The following LARGE1 variants were observed in gnomAD, a reference collection of about 807,000 sequenced individuals.
LARGE1 encodes xylosyl- and glucuronyltransferase LARGE1.
A neutral mutation model predicts 87.6 loss-of-function variants in LARGE1; 43 were observed. That is an observed-to-expected ratio of 0.49 (90% confidence interval 0.38 to 0.63). LARGE1 has a LOEUF of 0.63. Ranked by LOEUF, LARGE1 falls within the 30% of genes least tolerant of loss-of-function variation. The probability of loss-of-function intolerance (pLI) is 0.00; values close to 1 mark genes in which losing one functional copy is unlikely to be tolerated. For synonymous variants in LARGE1, 434 were observed against 394.6 expected (o/e 1.10, Z -1.18); for missense variants, 802 against 1,000.2 (o/e 0.80, Z 2.67).
chr22:33,570,270 C>T (rs75432602), intron 5 of LARGE1, among the ~76,000 whole-genome samples: 2,284 of 152,202 alleles, frequency 0.015, 56 homozygotes, highest in African/African-American at 0.052. Flanking sequence ...TCAGCAATAC[C>T]GAAGTTCAGA....
At chr22:33,571,066 GAGTT>G (rs1241289443) in intron 5 of LARGE1, among the ~76,000 whole-genome samples, 11 of 151,878 alleles carry the variant, frequency 7.2e-5, no homozygotes, top group Non-Finnish European at 1.3e-4. Context: ...ATAAAAATGA[GAGTT>G]AGTTTATTTT....
chr22:33,192,426 C>T (rs539812334), intron 11 of LARGE1, among the ~76,000 whole-genome samples: 4 of 152,228 alleles, frequency 2.6e-5, no homozygotes, highest in Admixed American at 6.5e-5. Context: ...ATTAGTGATG[C>T]TGAGCATTTT....
rs1461030763 is a variant in LARGE1 at position 33,911,176 on chromosome 22, G to C, written c.-83+8819C>G. ...GGAAGCAGAGCATGCTGCAGAGAAG[G>C]GAGAGCTGAGGACCAGGGAGCCTAG... On this transcript the variant is annotated intron_variant, in intron 1 of 14. Transcript: ENST00000397394. Among the ~76,000 whole-genome samples, 5 of 152,184 alleles carry C rather than the reference G, an allele frequency of 3.3e-5. No homozygotes were observed. In the East Asian group the frequency reaches 9.6e-4, roughly 29 times the overall value.
intron 4 of LARGE1, among the ~76,000 whole-genome samples, chr22:33,605,619 T>C (rs554334033): frequency 6.6e-6 from 1 of 152,304 alleles, no homozygotes; most frequent in Non-Finnish European, 1.5e-5. Flanking sequence ...ACTGGCTAGA[T>C]ACAAAGCAAT....
intron 6 of LARGE1, among the ~76,000 whole-genome samples, chr22:33,556,480 A>G (rs1369795798): frequency 2.1e-5 from 3 of 145,052 alleles, no homozygotes; most frequent in Non-Finnish European, 4.5e-5. Context: ...AGAATGAATG[A>G]CTGAATGGGT....
intron 1 of LARGE1, among the ~76,000 whole-genome samples, chr22:33,783,093 A>G (rs1204480566): frequency 2.0e-5 from 3 of 151,970 alleles, no homozygotes; most frequent in Non-Finnish European, 4.4e-5. Flanking sequence ...AGGTCAGGAG[A>G]TTCCCTCAAG....
intron 11 of LARGE1, among the ~76,000 whole-genome samples, chr22:33,264,899 T>A: frequency 7.3e-6 from 1 of 136,908 alleles, no homozygotes; most frequent in African/African-American, 2.7e-5. Context: ...CTTTTTTTTT[T>A]TTTTTTTTTT....
At chr22:33,078,279 T>A in the LARGE1 span, among the ~76,000 whole-genome samples, 2 of 152,226 alleles carry the variant, frequency 1.3e-5, no homozygotes, top group African/African-American at 4.8e-5. Flanking sequence ...TTAGCCATAT[T>A]CATATGAGGC....
chr22:33,134,254 CCTTT>C, the LARGE1 span, among the ~76,000 whole-genome samples: 1 of 134,168 alleles, frequency 7.5e-6, no homozygotes, highest in South Asian at 2.8e-4. Context: ...CAAAGAACTC[CCTTT>C]TTTTTTTTTT....
chr22:33,474,559 T>C (rs557316164), intron 6 of LARGE1, among the ~76,000 whole-genome samples: 81 of 152,350 alleles, frequency 5.3e-4, no homozygotes, highest in Non-Finnish European at 9.4e-4. Flanking sequence ...TGGCACGCTT[T>C]GCATATTGAC....
chr22:33,867,651 G>C (rs1168187584), intron 1 of LARGE1, among the ~76,000 whole-genome samples: 1 of 152,184 alleles, frequency 6.6e-6, no homozygotes, highest in Non-Finnish European at 1.5e-5. Context: ...AAATGTCATG[G>C]GATGGAGCCA....
chr22:33,664,499 C>T (rs1052919745), intron 2 of LARGE1, among the ~76,000 whole-genome samples: 1 of 152,218 alleles, frequency 6.6e-6, no homozygotes, highest in Non-Finnish European at 1.5e-5. Context: ...TACCTGGACT[C>T]ACTCAATAGC....
At chr22:33,753,264 T>G (rs2084389800) in intron 2 of LARGE1, among the ~76,000 whole-genome samples, 2 of 150,670 alleles carry the variant, frequency 1.3e-5, no homozygotes, top group African/African-American at 4.9e-5. Flanking sequence ...AAGAGGGGGG[T>G]AGGAGAGTCA....
At chr22:33,820,771 G>A (rs778600656) in intron 1 of LARGE1, among the ~76,000 whole-genome samples, 1 of 152,046 alleles carries the variant, frequency 6.6e-6, no homozygotes, top group Non-Finnish European at 1.5e-5. Context: ...CATTCATCGT[G>A]GCACCTGAAC....
intron 12 of LARGE1, among the ~76,000 whole-genome samples, chr22:33,302,401 G>C (rs560070000): frequency 6.6e-6 from 1 of 152,132 alleles, no homozygotes; most frequent in South Asian, 2.1e-4. Context: ...TTTTAACAGA[G>C]TCTGGTAGGG....
chr22:33,629,070 T>A (rs566931246), intron 3 of LARGE1, among the ~76,000 whole-genome samples: 14 of 152,288 alleles, frequency 9.2e-5, no homozygotes, highest in African/African-American at 3.4e-4. Context: ...GTACCTTTTT[T>A]TCAGGCTAAT....
At chr22:33,230,001 GTTC>G (rs1925924029) in intron 11 of LARGE1, among the ~76,000 whole-genome samples, 1 of 111,680 alleles carries the variant, frequency 9.0e-6, no homozygotes, top group South Asian at 3.1e-4. Flanking sequence ...CATTTTCAAA[GTTC>G]TTTTTTTTTT....
At chr22:33,830,947 G>A (rs2062946541) in intron 1 of LARGE1, among the ~76,000 whole-genome samples, 1 of 152,114 alleles carries the variant, frequency 6.6e-6, no homozygotes, top group Admixed American at 6.5e-5. Flanking sequence ...TGACCTAAGT[G>A]TCACCTAAAG....
chr22:33,144,964 C>A, the LARGE1 span, among the ~76,000 whole-genome samples: 7 of 151,926 alleles, frequency 4.6e-5, no homozygotes, highest in Non-Finnish European at 1.0e-4. Flanking sequence ...AGTTTTCAAG[C>A]AGAATGTATT....
Sources: allele counts gnomAD v4.1 joint callset (sites outside exome capture counted in the v4.1 genomes callset), GRCh38; gene constraint gnomAD v4.1.1; transcripts MANE v1.5; gene names NCBI Gene and HGNC (gene_info 2026-07-23, HGNC 2026-07-21).